Variants in CLVS1 observed in about 807,000 individuals in gnomAD.
The protein encoded by CLVS1 is clavesin 1, also known as clavesin-1.
In CLVS1, 10 loss-of-function variants were observed where a neutral mutation model predicts 33.1. The observed-to-expected ratio is 0.30, with a 90% CI of 0.19 to 0.51. CLVS1 has a LOEUF of 0.51. CLVS1 is among the 20% of genes least tolerant of loss of function. The probability of loss-of-function intolerance (pLI) is 0.97; values close to 1 mark genes in which losing one functional copy is unlikely to be tolerated. For synonymous variants in CLVS1, 163 were observed against 166.1 expected (o/e 0.98, Z 0.14); for missense variants, 343 against 433.4 (o/e 0.79, Z 1.85).
intron 1 of CLVS1, among the ~76,000 whole-genome samples, chr8:61,124,634 C>A (rs1585628107): frequency 6.6e-6 from 1 of 152,188 alleles, no homozygotes; most frequent in Non-Finnish European, 1.5e-5. Context: ...TGGCTTGTAA[C>A]CTTGCAGAAG....
At chr8:61,120,869 G>C (rs573634858) in intron 1 of CLVS1, among the ~76,000 whole-genome samples, 2 of 147,712 alleles carry the variant, frequency 1.4e-5, no homozygotes, top group Non-Finnish European at 3.0e-5. Context: ...TACAGAGGCA[G>C]GCAGGCCTCC....
At chr8:61,003,984 AG>A in the CLVS1 span, among the ~76,000 whole-genome samples, 1 of 152,132 alleles carries the variant, frequency 6.6e-6, no homozygotes, top group Non-Finnish European at 1.5e-5. Flanking sequence ...GCCTCATTTG[AG>A]GGGGTGGCAT....
chr8:61,418,530 C>A (rs371511481), intron 3 of CLVS1, among the ~76,000 whole-genome samples: 1 of 152,118 alleles, frequency 6.6e-6, no homozygotes, highest in Non-Finnish European at 1.5e-5. Flanking sequence ...ATTCTTCTAC[C>A]CTTTCTCCAT....
chr8:61,031,432 C>A, the CLVS1 span, among the ~76,000 whole-genome samples: 3 of 152,222 alleles, frequency 2.0e-5, no homozygotes, highest in African/African-American at 7.2e-5. Context: ...ACCTCCAGCT[C>A]TGTCTGTCTC....
At chr8:61,142,534 G>A (rs1294469048) in intron 2 of CLVS1, among the ~76,000 whole-genome samples, 1 of 152,206 alleles carries the variant, frequency 6.6e-6, no homozygotes, top group African/African-American at 2.4e-5. Context: ...AAAGGGAAAG[G>A]AAGAAACAAT....
At chr8:61,237,464 A>G (rs922959486) in intron 2 of CLVS1, among the ~76,000 whole-genome samples, 1 of 152,110 alleles carries the variant, frequency 6.6e-6, no homozygotes, top group Non-Finnish European at 1.5e-5. Flanking sequence ...AAATAAGAGG[A>G]GGAAGTTCAT....
intron 3 of CLVS1, among the ~76,000 whole-genome samples, chr8:61,403,294 G>T (rs1814843333): frequency 6.6e-6 from 1 of 152,200 alleles, no homozygotes; most frequent in South Asian, 2.1e-4. Context: ...TCAGAGAGTG[G>T]GAGGCCCTGT....
chr8:61,187,296 C>G (rs896798549), intron 2 of CLVS1, among the ~76,000 whole-genome samples: 7 of 152,064 alleles, frequency 4.6e-5, no homozygotes, highest in African/African-American at 1.7e-4. Flanking sequence ...TTTATTATAG[C>G]TCAAAGTAAT....
intron 1 of CLVS1, among the ~76,000 whole-genome samples, chr8:61,059,467 C>CATATATATAT (rs1437621240): frequency 1.3e-4 from 3 of 22,566 alleles, no homozygotes; most frequent in African/African-American, 6.0e-4. Flanking sequence ...CATATACATA[C>CATATATATAT]ATACATACAT....
At chr8:61,478,857 A>G (rs1410277551) in intron 5 of CLVS1, among the ~76,000 whole-genome samples, 2 of 152,094 alleles carry the variant, frequency 1.3e-5, no homozygotes, top group African/African-American at 4.8e-5. Context: ...TGATCCTGTC[A>G]TTGAAATTCT....
intron 2 of CLVS1, among the ~76,000 whole-genome samples, chr8:61,156,595 C>T (rs1806654878): frequency 6.6e-6 from 1 of 152,028 alleles, no homozygotes; most frequent in Admixed American, 6.6e-5. Flanking sequence ...GTTTCTTTTC[C>T]ATTACCAAGC....
intron 3 of CLVS1, among the ~76,000 whole-genome samples, chr8:61,417,873 C>A (rs780023902): frequency 2.0e-5 from 3 of 152,180 alleles, no homozygotes; most frequent in Admixed American, 6.5e-5. Context: ...GTGTCTTCCA[C>A]CTGGTGGCTG....
At chr8:61,421,779 T>C (rs1407838540) in intron 3 of CLVS1, among the ~76,000 whole-genome samples, 2 of 152,170 alleles carry the variant, frequency 1.3e-5, no homozygotes, top group African/African-American at 2.4e-5. Context: ...CCTTTTCATG[T>C]TGGAAGCCAA....
chr8:61,191,133 A>T (rs748787018), intron 2 of CLVS1, among the ~76,000 whole-genome samples: 2 of 152,350 alleles, frequency 1.3e-5, no homozygotes, highest in Middle Eastern at 3.4e-3. Context: ...TCAATAAAAT[A>T]CCGGAAAACT....
intron 1 of CLVS1, among the ~76,000 whole-genome samples, chr8:61,117,622 G>A (rs924920727): frequency 1.3e-5 from 2 of 151,104 alleles, no homozygotes; most frequent in African/African-American, 4.9e-5. Context: ...TGCATCTATT[G>A]AGATAATCAT....
At chr8:61,449,251 A>G (rs1056688211) in intron 3 of CLVS1, among the ~76,000 whole-genome samples, 6 of 152,184 alleles carry the variant, frequency 3.9e-5, no homozygotes, top group Non-Finnish European at 1.5e-5. Context: ...ACACTGGACA[A>G]TGATTAAAGT....
chr8:61,468,590 A>T (rs1817633193), intron 5 of CLVS1, among the ~76,000 whole-genome samples: 1 of 152,096 alleles, frequency 6.6e-6, no homozygotes, highest in African/African-American at 2.4e-5. Context: ...CATGGAACCT[A>T]ACTAAGCTGA....
chr8:60,993,036 C>T, the CLVS1 span, among the ~76,000 whole-genome samples: 2 of 152,238 alleles, frequency 1.3e-5, no homozygotes, highest in Non-Finnish European at 2.9e-5. Flanking sequence ...AAAAAGCTAC[C>T]TCCTTATCAG....
At chr8:61,005,353 C>T in the CLVS1 span, among the ~76,000 whole-genome samples, 1 of 149,586 alleles carries the variant, frequency 6.7e-6, no homozygotes, top group African/African-American at 2.5e-5. Context: ...CAAGGGGACC[C>T]AGGCAAGGGA....
Sources: allele counts gnomAD v4.1 joint callset (sites outside exome capture counted in the v4.1 genomes callset), GRCh38; gene constraint gnomAD v4.1.1; transcripts MANE v1.5; gene names NCBI Gene and HGNC (gene_info 2026-07-23, HGNC 2026-07-21).